CACYBP: variants seen among roughly 807,000 people sequenced by gnomAD.
CACYBP encodes calcyclin binding protein.
In CACYBP, 11 loss-of-function variants were observed where a neutral mutation model predicts 29.6. The observed-to-expected ratio is 0.37, with a 90% confidence interval of 0.23 to 0.61. CACYBP has a LOEUF of 0.61. Among genes scored for constraint, CACYBP ranks in the 20% least tolerant of loss-of-function variants. The pLI, the probability that CACYBP is intolerant of heterozygous loss-of-function variation, is 0.65. For synonymous variants in CACYBP, 73 were observed against 88.3 expected, an observed-to-expected ratio of 0.83 and a Z score of 0.97; for missense variants, 163 against 260.7, an observed-to-expected ratio of 0.63 and a Z score of 2.58.
chr1:175,004,858 G>A lies in CACYBP; in HGVS notation c.235+25G>A, dbSNP rs780604510. On this transcript the variant is annotated intron_variant, in intron 2 of 5. Transcript: ENST00000367679. ...GGTATGACTTGCTTCCCTATAGCCA[G>A]TTCTGCCTCCGAGCAACCTATTCCT... 8 of 1,454,486 alleles carry A rather than the reference G, an allele frequency of 5.5e-6. No individual in the cohort carries two copies. In the East Asian group the frequency reaches 6.8e-5, roughly 12 times the overall value. The allele number at this position is 1,454,486 out of a possible 1,614,324, so 90.1% of individuals were successfully genotyped here.
chr1:175,004,539 T>G, intron 1 of CACYBP, 75 bp from the exon 2 acceptor site: 3 of 874,650 alleles, frequency 3.4e-6, no homozygotes, highest in Non-Finnish European at 5.2e-6. Context: ...TTCAGTAAGT[T>G]GAAATGAGTG....
chr1:175,005,436 T>C (rs969451225), intron 2 of CACYBP, among the ~76,000 whole-genome samples: 5 of 152,230 alleles, frequency 3.3e-5, no homozygotes, highest in African/African-American at 1.2e-4. Flanking sequence ...AGTCTTGTTT[T>C]TCTTTGTGCT....
chr1:175,002,562 T>C (rs1375303596), intron 1 of CACYBP, among the ~76,000 whole-genome samples: 1 of 152,222 alleles, frequency 6.6e-6, no homozygotes, highest in Non-Finnish European at 1.5e-5. Context: ...AAAATTTTTA[T>C]ATACGTAAAA....
chr1:175,004,420 G>GA (rs967063623), intron 1 of CACYBP, among the ~76,000 whole-genome samples, 194 bp from the exon 2 acceptor site: 1 of 151,824 alleles, frequency 6.6e-6, no homozygotes, highest in African/African-American at 2.4e-5. Context: ...TTTTCCTTTT[G>GA]AAAAAAAGGA....
chr1:175,009,722 G>A (rs534866209), intron 5 of CACYBP, among the ~76,000 whole-genome samples: 1 of 150,048 alleles, frequency 6.7e-6, no homozygotes, highest in Admixed American at 6.7e-5. Context: ...GACCTCTTTC[G>A]TGCACCAAGT....
Position 175,005,869 on chromosome 1 carries a change from AT to A in CACYBP, c.236-870del, listed in dbSNP as rs200650365. 5.7e-3 allele frequency among the ~76,000 whole-genome samples: 863 copies of A among 152,180 alleles called. 8 individuals carry two copies. The highest frequency in any genetic ancestry group is 0.02 in the African/African-American group (825 of 41,522). ...GAAGTTCTCTGGACCCCACTAGGGC[AT>A]TTTTTCATCAACACTGTTTCTTTTT... On this transcript the variant is annotated intron_variant, in intron 2 of 5. Coordinates refer to ENST00000367679, the MANE Select transcript of CACYBP (RefSeq NM_014412.3).
chr1:175,000,294 G>T, intron 1 of CACYBP, 99 bp downstream of exon 1: 3 of 1,523,216 alleles, frequency 2.0e-6, no homozygotes, highest in Non-Finnish European at 2.6e-6. Context: ...CCGCCCTGCG[G>T]CCACCCGGTC....
upstream of CACYBP, chr1:174,999,881 T>C (rs1235136371): frequency 2.0e-6 from 1 of 495,796 alleles, no homozygotes; most frequent in East Asian, 4.0e-5. Context: ...GGAGCCAGAC[T>C]CGGCGGGGCG....
At chr1:175,008,310 G>A (rs1032123628) in intron 4 of CACYBP, among the ~76,000 whole-genome samples, 10 of 152,002 alleles carry the variant, frequency 6.6e-5, no homozygotes, top group Admixed American at 1.3e-4. Context: ...CTTAGGCTTC[G>A]GCTCAGATTT....
Position 175,010,676 on chromosome 1 carries a change from C to A in CACYBP, c.*597C>A, listed in dbSNP as rs1428538107. 1 of 152,096 alleles carries A rather than the reference C, an allele frequency of 6.6e-6. No homozygotes were observed. Among genetic ancestry groups the A allele is most frequent in the African/African-American group, 2.4e-5 (1 of 41,406 alleles). The allele number at this position is 152,096 out of a possible 1,614,324, so 9.4% of individuals were successfully genotyped here. A position where few individuals can be genotyped will look rare whatever the true frequency, so the allele number is the denominator to read the frequency against. On this transcript the variant is annotated 3_prime_UTR_variant, in exon 6 of 6. Transcript: ENST00000367679. Reference sequence around the variant, plus strand: ...CTAAACATGACAATAATAGACATATCTTTGTATGGTACCAGTTAGTTTTGC... The same window carrying A: ...CTAAACATGACAATAATAGACATATATTTGTATGGTACCAGTTAGTTTTGC...
Position 175,010,813 on chromosome 1 carries a change from T to G in CACYBP, c.*734T>G, listed in dbSNP as rs898418928. ...GTTTTTCTTCATTAGAACAGTTTTA[T>G]GATTTATTTGTCTAGGAGTATGTCA... On this transcript the variant is annotated 3_prime_UTR_variant, in exon 6 of 6. Transcript: ENST00000367679. The G allele has an allele frequency of 2.0e-5, 3 of 152,226 alleles. No homozygotes were observed. The highest frequency in any genetic ancestry group is 7.2e-5 in the African/African-American group (3 of 41,456). The allele number at this position is 152,226 out of a possible 1,614,324, so 9.4% of individuals were successfully genotyped here.
intron 1 of CACYBP, among the ~76,000 whole-genome samples, chr1:175,001,300 G>C (rs1224571758): frequency 5.3e-5 from 8 of 152,130 alleles, no homozygotes; most frequent in Admixed American, 4.6e-4. Flanking sequence ...ATACATTTGA[G>C]GGCACTTGAT....
upstream of CACYBP, chr1:174,999,770 A>G: frequency 3.3e-6 from 1 of 304,534 alleles, no homozygotes; most frequent in Non-Finnish European, 6.2e-6. Context: ...TCAAATTATA[A>G]TACATAAAAG....
chr1:175,007,510 T>G (rs944120122), intron 4 of CACYBP, among the ~76,000 whole-genome samples: 2 of 152,212 alleles, frequency 1.3e-5, no homozygotes, highest in African/African-American at 4.8e-5. Flanking sequence ...ATTGTAAGAA[T>G]ATTCCATTAA....
intron 1 of CACYBP, among the ~76,000 whole-genome samples, chr1:175,002,485 C>T (rs1396062269): frequency 6.6e-6 from 1 of 151,908 alleles, no homozygotes; most frequent in Non-Finnish European, 1.5e-5. Flanking sequence ...TTAATGCCTC[C>T]TAGTGAAAAA....
rs1399247223 is a variant in CACYBP at position 175,010,659 on chromosome 1, G to C, written c.*580G>C. The C allele has an allele frequency of 6.6e-6, 1 of 152,150 alleles. No individual in the cohort carries two copies. Among genetic ancestry groups the C allele is most frequent in the South Asian group, 2.1e-4 (1 of 4,830 alleles). 9.4% of individuals were successfully genotyped at this position (152,150 alleles called of 1,614,324 possible). The stretch of plus-strand genomic sequence containing the variant: ...AATGTGGAATAGAAAATCTAAACAT[G>C]ACAATAATAGACATATCTTTGTATG... On this transcript the variant is annotated 3_prime_UTR_variant, in exon 6 of 6. Transcript: ENST00000367679.
chr1:175,011,981 G>A lies in CACYBP; in HGVS notation c.*1902G>A, dbSNP rs1340152157. ...TAGCTGGGCATGGTGGCAGATGCCT[G>A]TAACTCCAGCTACTCGGGAGACTGA... On this transcript the variant is annotated 3_prime_UTR_variant, in exon 6 of 6. Coordinates refer to ENST00000367679, the MANE Select transcript of CACYBP (RefSeq NM_014412.3). Among the ~76,000 whole-genome samples the A allele has an allele frequency of 6.6e-6, 1 of 152,170 alleles. No individual in the cohort carries two copies. Among genetic ancestry groups the A allele is most frequent in the Admixed American group, 6.5e-5 (1 of 15,278 alleles).
At chr1:174,999,790 C>G, upstream of CACYBP, 3 of 347,436 alleles carry the variant, frequency 8.6e-6, 1 homozygote, top group South Asian at 7.9e-5. Flanking sequence ...GTTGTCAGGG[C>G]GGAGAGCAAG....
chr1:175,003,899 A>T (rs1054119906), intron 1 of CACYBP, among the ~76,000 whole-genome samples: 1 of 152,228 alleles, frequency 6.6e-6, no homozygotes, highest in Non-Finnish European at 1.5e-5. Flanking sequence ...AGAGAAGAAA[A>T]TGAGAACGTG....
Sources: gnomAD v4.1 joint callset for allele counts (sites outside exome capture counted in the v4.1 genomes callset) on GRCh38, gnomAD v4.1.1 for gene constraint, MANE v1.5 for transcripts, NCBI Gene and HGNC (gene_info 2026-07-23, HGNC 2026-07-21) for gene names.